NID1: variants seen among roughly 807,000 people sequenced by gnomAD.
NID1 encodes nidogen-1.
NID1 carries 76 observed loss-of-function variants against 130.6 expected under a neutral mutation model. The observed-to-expected ratio is 0.58, with a 90% CI of 0.48 to 0.70. The LOEUF (loss-of-function observed/expected upper bound fraction) is 0.70, where lower values mean the gene tolerates loss of function less well. NID1 is among the 30% of genes least tolerant of loss of function. NID1 has a pLI of 0.00. For missense variants in NID1, 1,517 were observed against 1,664.8 expected, an observed-to-expected ratio of 0.91 and a Z score of 1.54; for synonymous variants, 665 against 675.1, an observed-to-expected ratio of 0.98 and a Z score of 0.23.
At chr1:236,019,065 A>G (rs1053401428) in intron 9 of NID1, among the ~76,000 whole-genome samples, 1 of 152,236 alleles carries the variant, frequency 6.6e-6, no homozygotes, top group African/African-American at 2.4e-5. Context: ...TTATACTGAT[A>G]TGTGCGTGTT....
chr1:236,019,554 ACAAAT>A (rs1242121882), intron 9 of NID1, among the ~76,000 whole-genome samples: 1 of 152,154 alleles, frequency 6.6e-6, no homozygotes, highest in Non-Finnish European at 1.5e-5. Flanking sequence ...AAAGCTATTG[ACAAAT>A]AGGACCTCAG....
chr1:236,052,865 C>T (rs866760347), intron 1 of NID1, among the ~76,000 whole-genome samples: 26 of 152,212 alleles, frequency 1.7e-4, no homozygotes, highest in African/African-American at 5.8e-4. Flanking sequence ...TCTGGCCACC[C>T]TCCTCTCTGA....
chr1:236,008,891 C>CCCCACCTCAGGTGATCCA (rs1274536757), intron 12 of NID1, among the ~76,000 whole-genome samples: 2 of 152,134 alleles, frequency 1.3e-5, no homozygotes, highest in Non-Finnish European at 2.9e-5. Context: ...GTCTTGAACT[C>CCCCACCTCAGGTGATCCA]CCCACCTCAG....
At chr1:236,043,280 T>C (rs1452764268) in intron 3 of NID1, among the ~76,000 whole-genome samples, 1 of 152,110 alleles carries the variant, frequency 6.6e-6, no homozygotes, top group Non-Finnish European at 1.5e-5. Context: ...TGGTCAGAAG[T>C]ACAGGTGGAA....
chr1:236,038,959 A>G (rs1001628309), intron 4 of NID1, among the ~76,000 whole-genome samples: 3 of 140,704 alleles, frequency 2.1e-5, no homozygotes, highest in African/African-American at 7.7e-5. Flanking sequence ...TATAACATAT[A>G]TGTGTAACTA....
chr1:236,041,368 AT>A (rs916919199), intron 4 of NID1, among the ~76,000 whole-genome samples: 6 of 150,742 alleles, frequency 4.0e-5, no homozygotes, highest in African/African-American at 9.7e-5. Context: ...CCCCGACCCT[AT>A]TTTTTTTTAA....
chr1:235,998,760 A>G (rs1657998746), intron 12 of NID1, among the ~76,000 whole-genome samples: 1 of 152,140 alleles, frequency 6.6e-6, no homozygotes, highest in Admixed American at 6.6e-5. Context: ...AGGGTTTTAG[A>G]GTTTTCATAT....
intron 1 of NID1, among the ~76,000 whole-genome samples, chr1:236,052,348 GC>G (rs1421346229): frequency 7.1e-6 from 1 of 140,358 alleles, no homozygotes; most frequent in African/African-American, 3.3e-5. Flanking sequence ...AAGGACACAG[GC>G]ACTCAGGCAG....
At chr1:235,985,203 AG>A (rs1221709489) in intron 15 of NID1, among the ~76,000 whole-genome samples, 175 bp downstream of exon 15, 1 of 148,426 alleles carries the variant, frequency 6.7e-6, no homozygotes, top group East Asian at 2.0e-4. Context: ...AAAAAAAAAA[AG>A]AAAAAAAAAA....
chr1:236,064,725 C>G, intron 1 of NID1, 130 bp downstream of exon 1: 1 of 749,510 alleles, frequency 1.3e-6, no homozygotes, highest in East Asian at 3.4e-5. Context: ...GACCCTGCGC[C>G]GTGCCCGGTG....
At chr1:235,981,929 A>G (rs1296408493) in intron 15 of NID1, 147 bp from the exon 16 acceptor site, 3 of 738,348 alleles carry the variant, frequency 4.1e-6, no homozygotes, top group East Asian at 2.8e-5. Context: ...CTTGTTGTTT[A>G]TAAGATAAAC....
intron 4 of NID1, 40 bp downstream of exon 4, chr1:236,041,870 C>A: frequency 6.4e-7 from 1 of 1,567,708 alleles, no homozygotes. Context: ...GAAGCCCACA[C>A]ATCCAAGATC....
At chr1:235,999,934 C>T (rs1373980861) in intron 12 of NID1, among the ~76,000 whole-genome samples, 1 of 152,160 alleles carries the variant, frequency 6.6e-6, no homozygotes, top group Non-Finnish European at 1.5e-5. Context: ...AAAGAACAGG[C>T]CGGGCCCTGT....
chr1:236,054,450 C>T (rs1659842727), intron 1 of NID1, among the ~76,000 whole-genome samples: 1 of 152,054 alleles, frequency 6.6e-6, no homozygotes, highest in Non-Finnish European at 1.5e-5. Context: ...GAGCAAAACT[C>T]CATCTCAAAA....
At chr1:236,046,874 T>A (rs186388791) in intron 2 of NID1, among the ~76,000 whole-genome samples, 27 of 152,346 alleles carry the variant, frequency 1.8e-4, no homozygotes, top group African/African-American at 6.5e-4. Context: ...AAGTGTGCTC[T>A]GTGGGATGTA....
chr1:236,045,748 C>T (rs1228655904), intron 2 of NID1, 65 bp from the exon 3 acceptor site: 78 of 1,261,524 alleles, frequency 6.2e-5, no homozygotes, highest in Non-Finnish European at 8.0e-5. Context: ...ATGTGTTATT[C>T]GCCAGACTAT....
intron 1 of NID1, among the ~76,000 whole-genome samples, chr1:236,055,565 G>T (rs956113662): frequency 6.6e-6 from 1 of 151,890 alleles, no homozygotes; most frequent in Non-Finnish European, 1.5e-5. Context: ...TGAGGCATGA[G>T]AATCACTTGA....
At chr1:236,021,254 C>T (rs1572600740) in intron 9 of NID1, among the ~76,000 whole-genome samples, 1 of 152,322 alleles carries the variant, frequency 6.6e-6, no homozygotes, top group East Asian at 1.9e-4. Context: ...CTGTCAGGCT[C>T]TTTGCAGGAA....
rs138562584 is a variant in NID1, at chr1:236,038,717, T to C, written c.1136-464A>G. Among the ~76,000 whole-genome samples, 212 of 115,472 alleles carry C rather than the reference T, an allele frequency of 1.8e-3. 2 individuals are homozygous for C. Among genetic ancestry groups the C allele is most frequent in the South Asian group, 9.4e-3 (30 of 3,196 alleles). 75.8% of individuals were successfully genotyped at this position (115,472 alleles called of 152,430 possible). On this transcript the variant is annotated intron_variant, in intron 4 of 19. Transcript: ENST00000264187. ...TCATATATAATATATATTACCTATG[T>C]TATATAGGTCATATATAATATATAT...
Sources: allele counts gnomAD v4.1 joint callset (sites outside exome capture counted in the v4.1 genomes callset), GRCh38; gene constraint gnomAD v4.1.1; transcripts MANE v1.5; gene names NCBI Gene and HGNC (gene_info 2026-07-23, HGNC 2026-07-21).